The following CTRC variants were observed in gnomAD, a reference collection of about 807,000 sequenced individuals.
CTRC encodes chymotrypsin C.
Under a neutral mutation model 35.7 loss-of-function variants are expected in CTRC, and 32 were observed. The ratio of observed to expected loss-of-function variants is 0.90; its 90% CI spans 0.68 to 1.20. CTRC has a LOEUF of 1.20. CTRC is among the 50% of genes most tolerant of loss of function. The pLI is 0.00. For synonymous variants in CTRC, 119 were observed against 149.5 expected (o/e 0.80, Z 1.49); for missense variants, 324 against 361.5 (o/e 0.90, Z 0.84).
rs1570788278 is a variant in CTRC, at chr1:15,447,163, C to T, written c.*574C>T. 9.2e-6 allele frequency: 2 copies of T among 217,462 alleles called. No individual in the cohort carries two copies. Among genetic ancestry groups the T allele is most frequent in the East Asian group, 1.2e-4 (1 of 8,376 alleles). The allele number at this position is 217,462 out of a possible 1,614,324, so 13.5% of individuals were successfully genotyped here. On this transcript the variant is annotated 3_prime_UTR_variant, in exon 8 of 8. Coordinates refer to ENST00000375949, the MANE Select transcript of CTRC (RefSeq NM_007272.3). ...TAGCAGGGACCCCCCACCCCCACCC[C>T]GCAGCACAGACCCCATGGCTGCTGT... is the stretch of plus-strand genomic sequence containing the variant.
intron 5 of CTRC, 53 bp downstream of exon 5, chr1:15,443,608 T>A: frequency 1.9e-6 from 3 of 1,611,944 alleles, no homozygotes; most frequent in Non-Finnish European, 2.5e-6. Flanking sequence ...AAGCAGGACG[T>A]CACCCACATT....
chr1:15,440,473 C>T lies in CTRC; in HGVS notation c.133-20C>T, dbSNP rs772186675. Reference sequence around the variant, plus strand: ...CAGGGACCTGCAGGCTGACACACAGCCCTCCCCACCCTCCTGCAGATCTCC... The same window carrying T: ...CAGGGACCTGCAGGCTGACACACAGTCCTCCCCACCCTCCTGCAGATCTCC... On this transcript the variant is annotated intron_variant, in intron 2 of 7. Coordinates refer to ENST00000375949, the MANE Select transcript of CTRC (RefSeq NM_007272.3). 6.2e-7 allele frequency: 1 copy of T among 1,613,050 alleles called. No individual in the cohort carries two copies.
intron 1 of CTRC, among the ~76,000 whole-genome samples, chr1:15,439,606 C>T (rs1022221653): frequency 2.6e-5 from 4 of 152,104 alleles, no homozygotes; most frequent in Non-Finnish European, 5.9e-5. Flanking sequence ...TGTTCTTGAC[C>T]GCTCCACACA....
intron 4 of CTRC, among the ~76,000 whole-genome samples, chr1:15,442,793 A>G (rs1292453718): frequency 6.6e-6 from 1 of 152,132 alleles, no homozygotes; most frequent in Non-Finnish European, 1.5e-5. Context: ...AAAGTCCACA[A>G]GGAAGGCCCC....
In CTRC at chr1:15,445,606, G is replaced by C. The variant is rs202058123; in HGVS notation, c.649G>C (p.Gly217Arg). ...GVISACNGDSGGPLNCQLENG... is the reference protein window; with the variant it reads ...GVISACNGDSRGPLNCQLENG... ...TCCCGGTCTGGTGCAGGGGGACTCCGGTGGCCCACTGAACTGCCAGTTGGA... is the reference window on the plus strand; with the variant it reads ...TCCCGGTCTGGTGCAGGGGGACTCCCGTGGCCCACTGAACTGCCAGTTGGA... Residue 217 changes from glycine (G) to arginine (R), a missense_variant, in exon 7 of 8, where the codon GGT becomes CGT. Gly to Arg is a moderately radical substitution (Grantham distance 125). Transcript: ENST00000375949. 3.7e-6 allele frequency: 6 copies of C among 1,614,072 alleles called. No homozygotes were observed. Among genetic ancestry groups the C allele is most frequent in the Non-Finnish European group, 5.1e-6 (6 of 1,180,042 alleles).
intron 3 of CTRC, among the ~76,000 whole-genome samples, chr1:15,440,973 A>G (rs148139429): frequency 0.012 from 1,782 of 152,276 alleles, 61 homozygotes; most frequent in East Asian, 0.076. Context: ...TGAGGTCAGG[A>G]GTTCGAGACC....
chr1:15,444,935 C>T (rs947738176), intron 6 of CTRC, among the ~76,000 whole-genome samples, 184 bp downstream of exon 6: 6 of 152,250 alleles, frequency 3.9e-5, no homozygotes, highest in South Asian at 2.1e-4. Flanking sequence ...GCATTGAGCA[C>T]GAGTATCTGA....
chr1:15,439,871 G>T (rs186385194), intron 1 of CTRC, among the ~76,000 whole-genome samples: 44 of 152,194 alleles, frequency 2.9e-4, no homozygotes, highest in African/African-American at 9.6e-4. Flanking sequence ...CCTCCTGAGT[G>T]GCTGGGATTA....
rs1009858072 is a variant in CTRC at position 15,440,670 on chromosome 1, T to G, written c.230+80T>G. 3 of 1,286,660 alleles carry G rather than the reference T, an allele frequency of 2.3e-6. No individual in the cohort carries two copies. In the Admixed American group the frequency reaches 5.7e-5, roughly 25 times the overall value. 79.7% of individuals were successfully genotyped at this position (1,286,660 alleles called of 1,614,324 possible). A position where few individuals can be genotyped will look rare whatever the true frequency, so the allele number is the denominator to read the frequency against. ...TACTCTGCTTTTTCTGAGCAGCTTC[T>G]CCGCACTCCAGGCACTGGGCTACAT... On this transcript the variant is annotated intron_variant, in intron 3 of 7. Coordinates refer to ENST00000375949, the MANE Select transcript of CTRC (RefSeq NM_007272.3).
Position 15,444,268 on chromosome 1 carries a change from AAAAG to A in CTRC, c.494-332_494-329del, listed in dbSNP as rs567027291. On this transcript the variant is annotated intron_variant, in intron 5 of 7. Coordinates refer to ENST00000375949, the MANE Select transcript of CTRC (RefSeq NM_007272.3). ...TGAGACCTTGTATGTATCAAAAAAAAAAAGAAAGAGAAATAGAAAATCTTGGGGG... is the reference window on the plus strand; with the variant it reads ...TGAGACCTTGTATGTATCAAAAAAAAAAAGAGAAATAGAAAATCTTGGGGG... 3.3e-3 allele frequency among the ~76,000 whole-genome samples: 506 copies of A among 152,266 alleles called. 4 individuals carry two copies. The highest frequency in any genetic ancestry group is 7.4e-3 in the African/African-American group (309 of 41,538).
At chr1:15,439,300 C>T (rs1247736705) in intron 1 of CTRC, among the ~76,000 whole-genome samples, 1 of 151,872 alleles carries the variant, frequency 6.6e-6, no homozygotes, top group Non-Finnish European at 1.5e-5. Flanking sequence ...GTGGCGGGCA[C>T]CTGTAATCCC....
In CTRC at chr1:15,445,745, A is replaced by G. The variant is rs769975164; in HGVS notation, c.788A>G (p.Asn263Ser). ...GTGTCCGCCTACATCGACTGGATCA[A>G]CGAGGTGGGTGCTGCCTCCACAGCT... is the stretch of plus-strand genomic sequence containing the variant. Reference protein sequence around the residue: ...TRVSAYIDWINEKMQL With the variant: ...TRVSAYIDWISEKMQL The change falls in exon 7 of 8, where the codon AAC becomes AGC. Residue 263 changes from asparagine to serine, a missense_variant. Physicochemically the swap from Asn to Ser is conservative, Grantham distance 46. Transcript: ENST00000375949. 2.0e-5 allele frequency: 33 copies of G among 1,614,000 alleles called. No individual in the cohort carries two copies. The East Asian group carries it at 4.7e-4, about 23-fold the overall frequency.
chr1:15,444,594 C>G lies in CTRC; in HGVS notation c.494-12C>G, dbSNP rs768362110. The G allele has an allele frequency of 6.2e-7, 1 of 1,614,130 alleles. No individual in the cohort carries two copies. Among genetic ancestry groups the G allele is most frequent in the South Asian group, 1.1e-5 (1 of 91,068 alleles). On this transcript the variant is annotated splice_polypyrimidine_tract_variant and intron_variant, in intron 5 of 7. Coordinates refer to ENST00000375949, the MANE Select transcript of CTRC (RefSeq NM_007272.3). ...CGGCTGCCTCCCTGGTCACTGCTCA[C>G]TCTCTCCCCAGCCAACGGCCCCATT...
At chr1:15,440,224 C>CTG in intron 1 of CTRC, 76 bp from the exon 2 acceptor site, 8 of 627,524 alleles carry the variant, frequency 1.3e-5, no homozygotes, top group South Asian at 3.0e-5. Context: ...CTTCTTCCAC[C>CTG]TGCCCACCCT....
chr1:15,445,562 G>GT (rs757757145), intron 6 of CTRC, 35 bp from the exon 7 acceptor site: 8 of 1,606,768 alleles, frequency 5.0e-6, no homozygotes, highest in Middle Eastern at 1.7e-4. Context: ...TCTGGGGGGG[G>GT]GCCTGGTGGC....
intron 3 of CTRC, among the ~76,000 whole-genome samples, chr1:15,441,376 G>C (rs1253660666): frequency 1.3e-5 from 2 of 152,100 alleles, no homozygotes; most frequent in African/African-American, 2.4e-5. Flanking sequence ...TAGGAGAAGG[G>C]TGTTCCAGGC....
Position 15,443,472 on chromosome 1 carries a change from T to C in CTRC, c.410T>C (p.Ile137Thr). 2.5e-6 allele frequency: 4 copies of C among 1,614,182 alleles called. No homozygotes were observed. Among genetic ancestry groups the C allele is most frequent in the Non-Finnish European group, 3.4e-6 (4 of 1,180,028 alleles). ...GAGCATGTGGAGCTGAGTGACACCA[T>C]CCAGGTGGCCTGCCTGCCAGAGAAG... Reference protein sequence around the residue: ...LAEHVELSDTIQVACLPEKDS... With the variant: ...LAEHVELSDTTQVACLPEKDS... The change falls in exon 5 of 8, where the codon ATC becomes ACC. Residue 137 changes from isoleucine to threonine, a missense_variant. Ile to Thr is a moderately conservative substitution (Grantham distance 89, BLOSUM62 -1). Coordinates refer to ENST00000375949, the MANE Select transcript of CTRC (RefSeq NM_007272.3).
At chr1:15,440,445 T>C (rs111996339) in intron 2 of CTRC, 48 bp from the exon 3 acceptor site, 15 of 1,611,376 alleles carry the variant, frequency 9.3e-6, no homozygotes, top group Non-Finnish European at 1.2e-5. Context: ...GGGGTGAGGG[T>C]CCCAGGGACC....
intron 1 of CTRC, among the ~76,000 whole-genome samples, chr1:15,439,106 A>G (rs1474695788): frequency 1.3e-5 from 2 of 152,152 alleles, no homozygotes; most frequent in African/African-American, 4.8e-5. Context: ...GTAGGAGCCA[A>G]TTTAATCCTC....
Sources: allele counts gnomAD v4.1 joint callset (sites outside exome capture counted in the v4.1 genomes callset), GRCh38; gene constraint gnomAD v4.1.1; transcripts MANE v1.5; gene names NCBI Gene and HGNC (gene_info 2026-07-23, HGNC 2026-07-21).